BMP6: variants seen among roughly 807,000 people sequenced by gnomAD.
The protein encoded by BMP6 is bone morphogenetic protein 6, also known as VG-1-R.
A neutral mutation model predicts 54.1 loss-of-function variants in BMP6; 17 were observed. The ratio of observed to expected loss-of-function variants is 0.31; its 90% confidence interval spans 0.22 to 0.47. The LOEUF (loss-of-function observed/expected upper bound fraction) is 0.47. BMP6 is among the 20% of genes least tolerant of loss of function. BMP6 has a pLI of 1.00. For missense variants in BMP6, 720 were observed against 690.4 expected (o/e 1.04, Z -0.48); for synonymous variants, 328 against 291.2 (o/e 1.13, Z -1.28).
chr6:7,771,432 A>G (rs1757784559), intron 1 of BMP6, among the ~76,000 whole-genome samples: 1 of 152,230 alleles, frequency 6.6e-6, no homozygotes, highest in Non-Finnish European at 1.5e-5. Flanking sequence ...TCCTTCACAC[A>G]AAACCCTCAT....
chr6:7,862,560 T>G lies in BMP6; in HGVS notation c.1204+62T>G, dbSNP rs377680331. 3 of 1,592,210 alleles carry G rather than the reference T, an allele frequency of 1.9e-6. No homozygotes were observed. In the African/African-American group the frequency reaches 4.0e-5, roughly 21 times the overall value. On this transcript the variant is annotated intron_variant, in intron 4 of 6. Coordinates refer to ENST00000283147, the MANE Select transcript of BMP6 (RefSeq NM_001718.6). ...TGTTGGCCTCAGTGAGAACAAAAGT[T>G]GTGTCCACAGTCTCAGATGTCGGGC...
chr6:7,773,234 T>TC, intron 1 of BMP6, among the ~76,000 whole-genome samples: 1 of 152,330 alleles, frequency 6.6e-6, no homozygotes, highest in Non-Finnish European at 1.5e-5. Flanking sequence ...CCTCTGCCCT[T>TC]CATCTCCATG....
At chr6:7,876,656 A>T (rs1192467536) in intron 4 of BMP6, among the ~76,000 whole-genome samples, 1 of 152,222 alleles carries the variant, frequency 6.6e-6, no homozygotes, top group Non-Finnish European at 1.5e-5. Context: ...TCTGTTAAGT[A>T]ATCTGTTTAA....
intron 1 of BMP6, among the ~76,000 whole-genome samples, chr6:7,800,726 A>G (rs1016687842): frequency 2.0e-5 from 3 of 152,166 alleles, no homozygotes; most frequent in Admixed American, 6.5e-5. Context: ...CATATGCAGG[A>G]GCATGATAGA....
At chr6:7,824,120 A>T (rs6908905) in intron 1 of BMP6, among the ~76,000 whole-genome samples, 22,337 of 152,056 alleles carry the variant, frequency 0.15, 2,204 homozygotes, top group African/African-American at 0.28. Flanking sequence ...CAGATTGGGT[A>T]CTGATAGATT....
intron 1 of BMP6, among the ~76,000 whole-genome samples, chr6:7,818,224 C>T (rs1029096739): frequency 1.3e-5 from 2 of 151,994 alleles, no homozygotes; most frequent in African/African-American, 2.4e-5. Flanking sequence ...TATGAAAAAG[C>T]GTTTCTAAAC....
At chr6:7,783,989 C>T (rs572492367) in intron 1 of BMP6, among the ~76,000 whole-genome samples, 70 of 152,286 alleles carry the variant, frequency 4.6e-4, no homozygotes, top group African/African-American at 1.6e-3. Flanking sequence ...TATTTGGGAA[C>T]GAGGCTAAAG....
intron 1 of BMP6, among the ~76,000 whole-genome samples, chr6:7,810,460 T>A (rs2113210016): frequency 6.6e-6 from 1 of 152,282 alleles, no homozygotes; most frequent in Non-Finnish European, 1.5e-5. Flanking sequence ...ATGGTCGGTC[T>A]TTTCTTGTGT....
chr6:7,860,950 GT>G (rs1205554652), intron 2 of BMP6, among the ~76,000 whole-genome samples: 5 of 151,820 alleles, frequency 3.3e-5, no homozygotes, highest in Non-Finnish European at 7.4e-5. Flanking sequence ...TACTTTCCCT[GT>G]TTTTAGAGCT....
chr6:7,743,013 G>T (rs1161197601), intron 1 of BMP6, among the ~76,000 whole-genome samples: 3 of 152,112 alleles, frequency 2.0e-5, no homozygotes, highest in Non-Finnish European at 4.4e-5. Flanking sequence ...ATGGAGCAAA[G>T]GGAGAGAGAG....
intron 1 of BMP6, among the ~76,000 whole-genome samples, chr6:7,731,302 C>T (rs562998046): frequency 2.0e-4 from 30 of 152,270 alleles, no homozygotes; most frequent in Non-Finnish European, 1.6e-4. Flanking sequence ...ATTTGGTGAC[C>T]TTGGAGAGGT....
chr6:7,732,609 C>G (rs1007991662), intron 1 of BMP6, among the ~76,000 whole-genome samples: 1 of 152,146 alleles, frequency 6.6e-6, no homozygotes, highest in Non-Finnish European at 1.5e-5. Context: ...CAGAGAGTAA[C>G]TACTTTATAT....
intron 1 of BMP6, among the ~76,000 whole-genome samples, chr6:7,770,944 A>G (rs1436072989): frequency 6.6e-6 from 1 of 152,204 alleles, no homozygotes; most frequent in African/African-American, 2.4e-5. Context: ...TTCTGCCAGC[A>G]TTGAGAGTCA....
At chr6:7,757,008 C>T (rs937702498) in intron 1 of BMP6, among the ~76,000 whole-genome samples, 4 of 152,114 alleles carry the variant, frequency 2.6e-5, no homozygotes, top group Admixed American at 6.5e-5. Flanking sequence ...ATCTTTGGAG[C>T]GCTCTCTCTA....
At chr6:7,730,278 A>G (rs1387807429) in intron 1 of BMP6, among the ~76,000 whole-genome samples, 5 of 152,060 alleles carry the variant, frequency 3.3e-5, no homozygotes, top group Non-Finnish European at 5.9e-5. Context: ...CTCCCTAGGG[A>G]TATTGACATT....
intron 1 of BMP6, among the ~76,000 whole-genome samples, chr6:7,771,950 G>A (rs1191685095): frequency 6.6e-6 from 1 of 151,970 alleles, no homozygotes; most frequent in Non-Finnish European, 1.5e-5. Context: ...CTACTTGGGA[G>A]GCTGAGGCAG....
chr6:7,744,806 C>A (rs1017627356), intron 1 of BMP6, among the ~76,000 whole-genome samples: 4 of 152,188 alleles, frequency 2.6e-5, no homozygotes, highest in African/African-American at 9.7e-5. Context: ...TGCCCCAGAT[C>A]TGTTCTCTGA....
At chr6:7,872,821 T>TTC (rs1759551146) in intron 4 of BMP6, among the ~76,000 whole-genome samples, 1 of 151,058 alleles carries the variant, frequency 6.6e-6, no homozygotes, top group African/African-American at 2.4e-5. Context: ...TTTCTTTTTT[T>TTC]TTTTTTTTTG....
intron 1 of BMP6, among the ~76,000 whole-genome samples, chr6:7,833,014 T>TG (rs1241922706): frequency 6.6e-6 from 1 of 151,978 alleles, no homozygotes; most frequent in East Asian, 1.9e-4. Context: ...GTCAGACTTG[T>TG]GGCCCTGGTA....
Sources: gnomAD v4.1 joint callset for allele counts (sites outside exome capture counted in the v4.1 genomes callset) on GRCh38, gnomAD v4.1.1 for gene constraint, MANE v1.5 for transcripts, NCBI Gene and HGNC (gene_info 2026-07-23, HGNC 2026-07-21) for gene names.